OPCML: variants seen among roughly 807,000 people sequenced by gnomAD.
The protein encoded by OPCML is opioid-binding protein/cell adhesion molecule.
OPCML carries 13 observed loss-of-function variants against 37.8 expected under a neutral mutation model. That is an observed-to-expected ratio of 0.34 (90% CI 0.22 to 0.55). The LOEUF is 0.55. OPCML is among the 20% of genes least tolerant of loss of function. OPCML has a pLI of 0.91. For synonymous variants in OPCML, 176 were observed against 168.8 expected, an observed-to-expected ratio of 1.04 and a Z score of -0.33; for missense variants, 341 against 435.6, an observed-to-expected ratio of 0.78 and a Z score of 1.93.
At chr11:133,506,335 A>G (rs770915738) in intron 1 of OPCML, among the ~76,000 whole-genome samples, 2 of 152,166 alleles carry the variant, frequency 1.3e-5, no homozygotes, top group Non-Finnish European at 2.9e-5. Flanking sequence ...CAGAGCCCTG[A>G]GAGGGTTACT....
At chr11:132,701,711 T>A (rs1272258796) in intron 2 of OPCML, among the ~76,000 whole-genome samples, 1 of 151,968 alleles carries the variant, frequency 6.6e-6, no homozygotes, top group Non-Finnish European at 1.5e-5. Context: ...TACTTTGTGG[T>A]TTCTTTTTTC....
At chr11:133,078,650 C>A (rs1264296285) in intron 1 of OPCML, among the ~76,000 whole-genome samples, 1 of 152,156 alleles carries the variant, frequency 6.6e-6, no homozygotes. Context: ...GCGCAGACAA[C>A]CCTGGAAATC....
At chr11:133,043,608 C>T (rs752300633) in intron 1 of OPCML, among the ~76,000 whole-genome samples, 17 of 152,184 alleles carry the variant, frequency 1.1e-4, no homozygotes, top group Admixed American at 5.2e-4. Context: ...TTAGACAACA[C>T]GCATCCTGAC....
Position 133,232,004 on chromosome 11 carries a change from C to A in OPCML, c.62-288994G>T, listed in dbSNP as rs533680815. The stretch of plus-strand genomic sequence containing the variant: ...TTAGGATCCTACAAGGAAGGGACTC[C>A]CCAGCCTCCTCAGGAAGGACGAGGG... On this transcript the variant is annotated intron_variant, in intron 1 of 7. Transcript: ENST00000524381. Among the ~76,000 whole-genome samples, 316 of 149,344 alleles carry A rather than the reference C, an allele frequency of 2.1e-3. 5 individuals are homozygous for A. The highest frequency in any genetic ancestry group is 0.01 in the Middle Eastern group (3 of 294).
At chr11:133,298,819 A>G (rs552803867) in intron 1 of OPCML, 8 of 152,296 alleles carry the variant, frequency 5.3e-5, no homozygotes, top group South Asian at 2.1e-4. Context: ...TACATTGCAT[A>G]TCAGACTGCT....
At chr11:133,374,803 A>G (rs1944761773) in intron 1 of OPCML, among the ~76,000 whole-genome samples, 1 of 152,092 alleles carries the variant, frequency 6.6e-6, no homozygotes, top group Admixed American at 6.5e-5. Context: ...GACAATTAGT[A>G]TTTGGCCTCA....
At chr11:133,478,289 T>G (rs1307851128) in intron 1 of OPCML, among the ~76,000 whole-genome samples, 2 of 152,270 alleles carry the variant, frequency 1.3e-5, no homozygotes, top group African/African-American at 4.8e-5. Context: ...CCTTCTCCCC[T>G]GCCTCTCCCT....
chr11:132,582,268 T>C (rs1462097858), intron 3 of OPCML, among the ~76,000 whole-genome samples: 4 of 151,870 alleles, frequency 2.6e-5, no homozygotes, highest in African/African-American at 9.7e-5. Flanking sequence ...TTCAATAAAA[T>C]AGAAGCTAAT....
intron 1 of OPCML, among the ~76,000 whole-genome samples, chr11:133,312,422 C>T (rs1319947125): frequency 6.6e-6 from 1 of 152,206 alleles, no homozygotes; most frequent in Non-Finnish European, 1.5e-5. Flanking sequence ...CCTGTGTGTA[C>T]TCAGCATCTG....
At chr11:133,499,992 C>T (rs1013353642) in intron 1 of OPCML, among the ~76,000 whole-genome samples, 5 of 151,088 alleles carry the variant, frequency 3.3e-5, no homozygotes, top group Non-Finnish European at 7.4e-5. Context: ...CTGCCTCAGC[C>T]TCCCAAGTAG....
At chr11:132,989,721 C>T (rs1397180421) in intron 1 of OPCML, among the ~76,000 whole-genome samples, 2 of 151,636 alleles carry the variant, frequency 1.3e-5, no homozygotes, top group African/African-American at 2.4e-5. Context: ...GGGGCTCAAA[C>T]ATAGAATACT....
At chr11:132,587,935 C>T (rs566198278) in intron 3 of OPCML, among the ~76,000 whole-genome samples, 4 of 152,228 alleles carry the variant, frequency 2.6e-5, no homozygotes, top group East Asian at 1.9e-4. Flanking sequence ...GAAACCTGCT[C>T]TTCCTGTTCT....
intron 1 of OPCML, among the ~76,000 whole-genome samples, chr11:133,129,936 TAAAG>T (rs1949578028): frequency 6.6e-6 from 1 of 150,950 alleles, no homozygotes; most frequent in African/African-American, 2.4e-5. Context: ...TAAATAAAAA[TAAAG>T]AAGCAGTAAA....
At chr11:132,561,066 C>A (rs965433325) in intron 3 of OPCML, among the ~76,000 whole-genome samples, 1 of 152,188 alleles carries the variant, frequency 6.6e-6, no homozygotes, top group African/African-American at 2.4e-5. Flanking sequence ...TCACTCAAAT[C>A]TGAAACTTGG....
At chr11:132,646,012 C>T (rs894365308) in intron 3 of OPCML, among the ~76,000 whole-genome samples, 2 of 151,904 alleles carry the variant, frequency 1.3e-5, no homozygotes, top group African/African-American at 4.8e-5. Flanking sequence ...GCGGGGATTA[C>T]ACAAGGACAA....
At chr11:133,276,731 T>C (rs1432080515) in intron 1 of OPCML, among the ~76,000 whole-genome samples, 1 of 152,208 alleles carries the variant, frequency 6.6e-6, no homozygotes, top group Non-Finnish European at 1.5e-5. Flanking sequence ...CTTCTTGAAA[T>C]GCACTTCTCC....
chr11:132,475,691 GA>G (rs372399580), intron 4 of OPCML, among the ~76,000 whole-genome samples: 3,348 of 146,762 alleles, frequency 0.023, 75 homozygotes, highest in African/African-American at 0.059. Flanking sequence ...CCAGAAACGT[GA>G]AAAAAAAAAA....
intron 1 of OPCML, among the ~76,000 whole-genome samples, chr11:132,989,423 A>G (rs1946734865): frequency 6.6e-6 from 1 of 152,240 alleles, no homozygotes; most frequent in African/African-American, 2.4e-5. Context: ...TGAAGATGAA[A>G]AATACCAAAA....
At position 133,401,484 on chromosome 11, in the gene OPCML, G is replaced by C. The variant is rs191138110; in HGVS notation, c.61+130780C>G. 3.5e-3 allele frequency among the ~76,000 whole-genome samples: 533 copies of C among 152,260 alleles called. 5 individuals carry two copies. Among genetic ancestry groups the C allele is most frequent in the African/African-American group, 0.011 (471 of 41,558 alleles). On this transcript the variant is annotated intron_variant, in intron 1 of 7. Coordinates refer to ENST00000524381, the MANE Select transcript of OPCML (RefSeq NM_001012393.5). ...TTATAATGGAGGAAACTGAGGCATT[G>C]AGGGTTTGCATTTTTCCTAGAGCTG...
Sources: allele counts gnomAD v4.1 joint callset (sites outside exome capture counted in the v4.1 genomes callset), GRCh38; gene constraint gnomAD v4.1.1; transcripts MANE v1.5; gene names NCBI Gene and HGNC (gene_info 2026-07-23, HGNC 2026-07-21).